VGLL4: variants seen among roughly 807,000 people sequenced by gnomAD.
VGLL4 encodes the protein transcription cofactor vestigial-like protein 4.
A neutral mutation model predicts 21.0 loss-of-function variants in VGLL4; 7 were observed. That is an observed-to-expected ratio of 0.33 (90% confidence interval 0.19 to 0.63). VGLL4 has a LOEUF of 0.63. VGLL4 is among the 20% of genes least tolerant of loss of function. The pLI is 0.78. For synonymous variants in VGLL4, 222 were observed against 173.2 expected, an observed-to-expected ratio of 1.28 and a Z score of -2.21; for missense variants, 394 against 425.7, an observed-to-expected ratio of 0.93 and a Z score of 0.66.
intron 1 of VGLL4, among the ~76,000 whole-genome samples, chr3:11,639,359 G>C (rs943343058): frequency 6.6e-6 from 1 of 152,250 alleles, no homozygotes; most frequent in Non-Finnish European, 1.5e-5. Context: ...GCAGCACGAA[G>C]AGCACCTTCC....
At position 11,559,262 on chromosome 3, in the gene VGLL4, C is replaced by T. The variant is rs755053552; in HGVS notation, c.619+70G>A. 1,019 of 1,463,732 alleles carry T rather than the reference C, an allele frequency of 7.0e-4. 1 individual carries two copies. Among genetic ancestry groups the T allele is most frequent in the Non-Finnish European group, 8.9e-4 (984 of 1,105,932 alleles). 90.7% of individuals were successfully genotyped at this position (1,463,732 alleles called of 1,614,324 possible). A position where few individuals can be genotyped will look rare whatever the true frequency, so the allele number is the denominator to read the frequency against. ...CTCAGGGGCGAGAGGTTTCAGCCAA[C>T]AGCATGACAGAGAAGGGCTCTGCTG... is the stretch of plus-strand genomic sequence containing the variant. On this transcript the variant is annotated intron_variant, in intron 4 of 4. Coordinates refer to ENST00000430365, the MANE Select transcript of VGLL4 (RefSeq NM_001128219.3).
At chr3:11,616,959 A>AC (rs1252734323) in intron 1 of VGLL4, among the ~76,000 whole-genome samples, 12 of 152,172 alleles carry the variant, frequency 7.9e-5, no homozygotes, top group African/African-American at 2.9e-4. Context: ...TAAAGCTGTT[A>AC]CCCCCAAAGA....
intron 2 of VGLL4, among the ~76,000 whole-genome samples, chr3:11,598,377 A>G (rs2074699374): frequency 6.6e-6 from 1 of 152,024 alleles, no homozygotes; most frequent in Admixed American, 6.6e-5. Context: ...CCATCTTTCT[A>G]CTAGAAAATG....
chr3:11,608,509 G>T (rs1001067718), intron 1 of VGLL4, among the ~76,000 whole-genome samples: 3 of 152,132 alleles, frequency 2.0e-5, no homozygotes, highest in African/African-American at 7.2e-5. Flanking sequence ...TTCAATGGCA[G>T]AGAAGTTTAA....
chr3:11,667,175 G>A (rs1371604701), intron 2 of VGLL4, among the ~76,000 whole-genome samples: 4 of 152,106 alleles, frequency 2.6e-5, no homozygotes, highest in East Asian at 1.9e-4. Flanking sequence ...GATGCCTGCC[G>A]CATCTCAAAC....
rs1409937923 is a variant in VGLL4, at chr3:11,558,643, G to A, written c.804C>T (p.Ser268=). The change falls in exon 5 of 5, where the codon AGC becomes AGT. Residue 268 remains serine (S), a synonymous_variant. Coordinates refer to ENST00000430365, the MANE Select transcript of VGLL4 (RefSeq NM_001128219.3). ...IKAAKDGASS[S]PESASRRGQP... ...GGCCCCTGCGAGAGGCGGACTCAGG[G>A]CTGCTGGATGCTCCGTCCTTGGCCG... 3 of 1,611,286 alleles carry A rather than the reference G, an allele frequency of 1.9e-6. No individual in the cohort carries two copies. Among genetic ancestry groups the A allele is most frequent in the Admixed American group, 1.7e-5 (1 of 60,004 alleles).
intron 2 of VGLL4, chr3:11,582,254 G>A: frequency 6.2e-7 from 1 of 1,602,878 alleles, no homozygotes; most frequent in South Asian, 1.1e-5. Context: ...GCAAGGATAA[G>A]GGAATAAAAT....
chr3:11,705,478 G>A (rs892618830), intron 1 of VGLL4, among the ~76,000 whole-genome samples: 1 of 152,156 alleles, frequency 6.6e-6, no homozygotes, highest in African/African-American at 2.4e-5. Context: ...TAAAAGCAGC[G>A]GTCTAAGAGG....
Position 11,622,434 on chromosome 3 carries a change from T to C in VGLL4, c.83-20412A>G, listed in dbSNP as rs552219415. On this transcript the variant is annotated intron_variant, in intron 1 of 4. Coordinates refer to ENST00000430365, the MANE Select transcript of VGLL4 (RefSeq NM_001128219.3). ...GGTTTTTACAAAAAAAAAAAAATCA[T>C]ACTATTACTAGATGGCAGAACCTAA... Among the ~76,000 whole-genome samples, 28 of 151,666 alleles carry C rather than the reference T, an allele frequency of 1.8e-4. No individual in the cohort carries two copies. In the South Asian group the frequency reaches 5.4e-3, roughly 29 times the overall value.
chr3:11,598,986 A>G (rs1271376692), intron 2 of VGLL4, among the ~76,000 whole-genome samples: 1 of 152,242 alleles, frequency 6.6e-6, no homozygotes, highest in South Asian at 2.1e-4. Flanking sequence ...TTTATTGCAG[A>G]TAACTTCTTA....
chr3:11,585,096 A>C (rs2074331480), intron 2 of VGLL4, among the ~76,000 whole-genome samples: 1 of 152,198 alleles, frequency 6.6e-6, no homozygotes, highest in Non-Finnish European at 1.5e-5. Flanking sequence ...TAAAAACTAG[A>C]ACATGCCCCA....
upstream of VGLL4, among the ~76,000 whole-genome samples, chr3:11,645,788 A>G (rs930647208): frequency 6.6e-6 from 1 of 151,690 alleles, no homozygotes; most frequent in African/African-American, 2.4e-5. Context: ...TCTGGCCAAC[A>G]TGGTGAAACC....
intron 1 of VGLL4, among the ~76,000 whole-genome samples, chr3:11,628,905 C>T (rs1292322729): frequency 1.3e-5 from 2 of 152,120 alleles, no homozygotes; most frequent in African/African-American, 4.8e-5. Flanking sequence ...CAAACAATTG[C>T]CAAAGATTTT....
At chr3:11,560,898 A>G (rs1559853926) in intron 3 of VGLL4, among the ~76,000 whole-genome samples, 1 of 152,160 alleles carries the variant, frequency 6.6e-6, no homozygotes, top group South Asian at 2.1e-4. Flanking sequence ...AGACTTCACA[A>G]TGCTGAGCAG....
chr3:11,596,894 C>G (rs2074658934), intron 2 of VGLL4, among the ~76,000 whole-genome samples: 1 of 152,114 alleles, frequency 6.6e-6, no homozygotes, highest in Admixed American at 6.5e-5. Flanking sequence ...CACCTAGCAC[C>G]TGGATCTGGG....
rs1255816736 is a variant in VGLL4 at position 11,719,112 on chromosome 3, AG to A, written c.-14+1281del. Among the ~76,000 whole-genome samples, 1 of 152,160 alleles carries A rather than the reference AG, an allele frequency of 6.6e-6. No individual in the cohort carries two copies. On this transcript the variant is annotated intron_variant, in intron 1 of 5. Transcript: ENST00000273038. This position sits in a 1 kb window ranked among gnomAD's most constrained non-coding sequence, Gnocchi z 4.0. Reference sequence around the variant, plus strand: ...GTTTTGGGGACCGGGCAGGAAGCACAGGAAGAGTACGGTGCCCCTTCCCGCA... The same window carrying A: ...GTTTTGGGGACCGGGCAGGAAGCACAGAAGAGTACGGTGCCCCTTCCCGCA...
rs183217153 is a variant in VGLL4, at chr3:11,563,757, G to A, written c.495+1040C>T. On this transcript the variant is annotated intron_variant, in intron 3 of 4. Coordinates refer to ENST00000430365, the MANE Select transcript of VGLL4 (RefSeq NM_001128219.3). ...ACCCCCTGGCACACAGCAGGGGTCT[G>A]TGCCATTTTGTTAAATGGATGAATC... Among the ~76,000 whole-genome samples, 33 of 152,326 alleles carry A rather than the reference G, an allele frequency of 2.2e-4. No homozygotes were observed. In the East Asian group the frequency reaches 3.5e-3, roughly 16 times the overall value.
chr3:11,636,361 T>C (rs2075586275), intron 1 of VGLL4, among the ~76,000 whole-genome samples: 1 of 152,218 alleles, frequency 6.6e-6, no homozygotes, highest in Non-Finnish European at 1.5e-5. Context: ...ACTATTTTCA[T>C]GCAAAACAGA....
Position 11,558,353 on chromosome 3 carries a change from C to T in VGLL4, c.*203G>A, listed in dbSNP as rs2072627560. The T allele has an allele frequency of 2.6e-6, 2 of 780,282 alleles. No individual in the cohort carries two copies. Among genetic ancestry groups the T allele is most frequent in the Middle Eastern group, 3.8e-4 (1 of 2,626 alleles). The allele number at this position is 780,282 out of a possible 1,614,324, so 48.3% of individuals were successfully genotyped here. ...ACAGATGTTCCACGCGTAGTTCCTGCTATCATGTTTGAGGGCCCCCTTGTA... is the reference window on the plus strand; with the variant it reads ...ACAGATGTTCCACGCGTAGTTCCTGTTATCATGTTTGAGGGCCCCCTTGTA... On this transcript the variant is annotated 3_prime_UTR_variant, in exon 5 of 5. Transcript: ENST00000430365.
Sources: allele counts gnomAD v4.1 joint callset (sites outside exome capture counted in the v4.1 genomes callset), GRCh38; gene constraint gnomAD v4.1.1; non-coding constraint Gnocchi (gnomAD v3.1); transcripts MANE v1.5; gene names NCBI Gene and HGNC (gene_info 2026-07-23, HGNC 2026-07-21).